The following FAAH2 variants were observed in gnomAD, a reference collection of about 807,000 sequenced individuals.
The protein encoded by FAAH2 is fatty-acid amide hydrolase 2.
Under a neutral mutation model 36.9 loss-of-function variants are expected in FAAH2, and 60 were observed. The ratio of observed to expected loss-of-function variants is 1.63; its 90% CI spans 1.32 to 2.02. The LOEUF is 2.02. Ranked by LOEUF, FAAH2 falls within the 30% of genes most tolerant of loss-of-function variation. FAAH2 has a pLI of 0.00. For missense variants in FAAH2, 689 were observed against 397.5 expected (o/e 1.73, Z -6.23); for synonymous variants, 214 against 143.8 (o/e 1.49, Z -3.49).
intron 7 of FAAH2, among the ~76,000 whole-genome samples, chrX:57,421,395 T>A (rs1477506084): frequency 8.9e-6 from 1 of 112,142 alleles, no homozygotes; most frequent in Admixed American, 9.4e-5. Flanking sequence ...GCGGTTGCAG[T>A]GACCCATAAC....
intron 5 of FAAH2, among the ~76,000 whole-genome samples, chrX:57,352,093 CACATAT>C (rs2054031155): frequency 8.8e-4 from 2 of 2,267 alleles, no homozygotes; most frequent in African/African-American, 1.7e-3. Flanking sequence ...TATATATATG[CACATAT>C]ATATATATGT....
intron 3 of FAAH2, among the ~76,000 whole-genome samples, chrX:57,311,988 G>T (rs4587468): frequency 3.6e-5 from 4 of 111,072 alleles, no homozygotes; most frequent in Non-Finnish European, 5.7e-5. Flanking sequence ...TGGGTTTCTG[G>T]GCAAGGTGAG....
the FAAH2 span, among the ~76,000 whole-genome samples, chrX:57,199,827 AC>A: frequency 4.5e-5 from 5 of 112,023 alleles, no homozygotes; most frequent in African/African-American, 1.6e-4. Flanking sequence ...TAACCTCTTT[AC>A]CATTAAGTAG....
chrX:57,384,659 A>C (rs1286651185), intron 7 of FAAH2, among the ~76,000 whole-genome samples: 3 of 110,882 alleles, frequency 2.7e-5, no homozygotes, highest in Non-Finnish European at 5.7e-5. Context: ...GGCAATCATT[A>C]AAAAGTCAGG....
Position 57,349,424 on chromosome X carries a change from CAT to C in FAAH2, c.742+8042_742+8043del, listed in dbSNP as rs761907551. Among the ~76,000 whole-genome samples, 411 of 91,942 alleles carry C rather than the reference CAT, an allele frequency of 4.5e-3. 2 individuals carry two copies. The highest frequency in any genetic ancestry group is 0.014 in the African/African-American group (348 of 25,232). 79.8% of individuals were successfully genotyped at this position (91,942 alleles called of 115,157 possible). On this transcript the variant is annotated intron_variant, in intron 5 of 10. Transcript: ENST00000374900. ...ATATGTGTGTATATACACATATATA[CAT>C]ATATATACATATATACACATAGATA...
At chrX:57,212,556 C>T in the FAAH2 span, among the ~76,000 whole-genome samples, 3 of 112,278 alleles carry the variant, frequency 2.7e-5, no homozygotes, top group Non-Finnish European at 5.6e-5. Flanking sequence ...ATAAAATATT[C>T]ATTGAAGAAA....
In FAAH2 at chrX:57,486,166, G is replaced by A. The variant is rs965643285; in HGVS notation, c.1424-2591G>A. On this transcript the variant is annotated intron_variant, in intron 10 of 10. Transcript: ENST00000374900. ...CTGTTTGGAATCTGTAGTCAGTCAG[G>A]GCCATGTGCTGGTGCTCTTAGGCTC... Among the ~76,000 whole-genome samples, 3 of 111,935 alleles carry A rather than the reference G, an allele frequency of 2.7e-5. No individual in the cohort carries two copies. The East Asian group carries it at 8.4e-4, about 31-fold the overall frequency.
At chrX:57,389,590 T>C (rs1355204434) in intron 7 of FAAH2, among the ~76,000 whole-genome samples, 1 of 110,416 alleles carries the variant, frequency 9.1e-6, no homozygotes, top group East Asian at 2.8e-4. Flanking sequence ...TTCCAGTGCA[T>C]GTATATACAG....
At chrX:57,248,671 T>G in the FAAH2 span, among the ~76,000 whole-genome samples, 1 of 97,287 alleles carries the variant, frequency 1.0e-5, no homozygotes, top group Non-Finnish European at 2.0e-5. Context: ...GAGAATCGCT[T>G]GAACCCGGGA....
the FAAH2 span, among the ~76,000 whole-genome samples, chrX:57,148,669 A>G: frequency 8.9e-6 from 1 of 111,746 alleles, no homozygotes; most frequent in Non-Finnish European, 1.9e-5. Context: ...GGCTGAGACA[A>G]TGGGATTTTC....
At chrX:57,421,660 G>T (rs1201861101) in intron 7 of FAAH2, among the ~76,000 whole-genome samples, 1 of 111,296 alleles carries the variant, frequency 9.0e-6, no homozygotes, top group Non-Finnish European at 1.9e-5. Context: ...ATTATCTCTA[G>T]ATACAGTCAC....
At chrX:57,487,282 G>A (rs1457571318) in intron 10 of FAAH2, among the ~76,000 whole-genome samples, 4 of 102,777 alleles carry the variant, frequency 3.9e-5, no homozygotes, top group Non-Finnish European at 8.2e-5. Context: ...TGATAAATTA[G>A]AATTTGCCAA....
At chrX:57,302,801 A>G (rs763401901) in intron 2 of FAAH2, among the ~76,000 whole-genome samples, 4 of 110,846 alleles carry the variant, frequency 3.6e-5, no homozygotes, top group Non-Finnish European at 5.7e-5. Context: ...TGGCCAGCCT[A>G]TGTATCATCT....
chrX:57,225,115 G>A, the FAAH2 span, among the ~76,000 whole-genome samples: 1,001 of 109,051 alleles, frequency 9.2e-3, 8 homozygotes, highest in African/African-American at 0.03. Context: ...TTTATCTTTC[G>A]TAAAATTTTT....
At chrX:57,232,109 T>A in the FAAH2 span, among the ~76,000 whole-genome samples, 4 of 111,745 alleles carry the variant, frequency 3.6e-5, no homozygotes, top group South Asian at 7.4e-4. Flanking sequence ...GATATCTGTA[T>A]AGATGGAGGG....
chrX:57,405,242 C>T (rs5960971), intron 7 of FAAH2, among the ~76,000 whole-genome samples: 1,688 of 111,259 alleles, frequency 0.015, 10 homozygotes, highest in Non-Finnish European at 0.024. Context: ...AAGATGGTGG[C>T]GGGCCACTTC....
At chrX:57,174,412 A>G in the FAAH2 span, among the ~76,000 whole-genome samples, 4 of 111,115 alleles carry the variant, frequency 3.6e-5, no homozygotes, top group African/African-American at 1.3e-4. Context: ...AATCCTTTGC[A>G]TTATTATGTT....
At chrX:57,268,331 C>A in the FAAH2 span, among the ~76,000 whole-genome samples, 1 of 110,587 alleles carries the variant, frequency 9.0e-6, no homozygotes, top group East Asian at 2.8e-4. Flanking sequence ...TATATAACCC[C>A]CCAAAAAAAA....
intron 7 of FAAH2, among the ~76,000 whole-genome samples, chrX:57,430,843 C>A (rs1173423978): frequency 1.8e-5 from 2 of 111,813 alleles, no homozygotes; most frequent in Non-Finnish European, 3.8e-5. Flanking sequence ...AGGGTTCCCA[C>A]AAAAATTTAT....
Sources: allele counts gnomAD v4.1 joint callset (sites outside exome capture counted in the v4.1 genomes callset), GRCh38; gene constraint gnomAD v4.1.1; transcripts MANE v1.5; gene names NCBI Gene and HGNC (gene_info 2026-07-23, HGNC 2026-07-21).